STX8: variants seen among roughly 807,000 people sequenced by gnomAD.
The protein encoded by STX8 is syntaxin 8.
In STX8, 23 loss-of-function variants were observed where a neutral mutation model predicts 37.5. The observed-to-expected ratio is 0.61, with a 90% CI of 0.44 to 0.87. The LOEUF (loss-of-function observed/expected upper bound fraction) is 0.87. Among genes scored for constraint, STX8 ranks in the 40% least tolerant of loss-of-function variants. The pLI is 0.00. For synonymous variants in STX8, 115 were observed against 99.1 expected (o/e 1.16, Z -0.95); for missense variants, 313 against 284.7 (o/e 1.10, Z -0.71).
At chr17:9,472,880 G>T (rs1050182583) in intron 6 of STX8, among the ~76,000 whole-genome samples, 1 of 152,132 alleles carries the variant, frequency 6.6e-6, no homozygotes, top group South Asian at 2.1e-4. Context: ...GCGTGGCCAG[G>T]GTCAAGACCA....
At chr17:9,427,446 T>C (rs995386802) in intron 6 of STX8, among the ~76,000 whole-genome samples, 2 of 152,158 alleles carry the variant, frequency 1.3e-5, no homozygotes, top group African/African-American at 2.4e-5. Flanking sequence ...TAATGTGATA[T>C]ATACATTCCT....
At chr17:9,294,083 T>C (rs992922008) in intron 7 of STX8, among the ~76,000 whole-genome samples, 1 of 152,162 alleles carries the variant, frequency 6.6e-6, no homozygotes, top group African/African-American at 2.4e-5. Flanking sequence ...ATTTTCTCCA[T>C]CTTATAGATG....
intron 6 of STX8, among the ~76,000 whole-genome samples, chr17:9,464,487 G>A (rs1905525226): frequency 2.0e-5 from 3 of 152,274 alleles, no homozygotes; most frequent in Non-Finnish European, 4.4e-5. Flanking sequence ...AGCACAAGAA[G>A]GGAAGAAAAG....
Position 9,384,009 on chromosome 17 carries a change from T to C in STX8, c.542-5356A>G, listed in dbSNP as rs189755835. Among the ~76,000 whole-genome samples the C allele has an allele frequency of 1.0e-3, 152 of 152,298 alleles. 1 individual carries two copies. The highest frequency in any genetic ancestry group is 1.6e-3 in the Non-Finnish European group (111 of 68,014). On this transcript the variant is annotated intron_variant, in intron 6 of 7. Transcript: ENST00000306357. ...GCCTGACCCATATGGTAGTTCTATC[T>C]GTGGTTTTCTGAGGAACCCCCATGC...
Position 9,381,559 on chromosome 17 carries a change from C to T in STX8, c.542-2906G>A, listed in dbSNP as rs1006572887. Among the ~76,000 whole-genome samples the T allele has an allele frequency of 9.8e-5, 15 of 152,302 alleles. No homozygotes were observed. The South Asian group carries it at 2.7e-3, about 27-fold the overall frequency. ...TATAGACCGTATAGTTATATTCTAT[C>T]GATTTGTTTACATGTCTTTAACAGG... On this transcript the variant is annotated intron_variant, in intron 6 of 7. Transcript: ENST00000306357.
chr17:9,253,417 G>A (rs1430309296), intron 7 of STX8, among the ~76,000 whole-genome samples: 4 of 152,034 alleles, frequency 2.6e-5, no homozygotes, highest in Admixed American at 6.6e-5. Context: ...AGCTCCCCTG[G>A]GCAGGAGCTT....
At chr17:9,348,803 T>C (rs1046380950) in intron 7 of STX8, among the ~76,000 whole-genome samples, 2 of 152,196 alleles carry the variant, frequency 1.3e-5, no homozygotes, top group African/African-American at 4.8e-5. Flanking sequence ...GCAAGCTTAA[T>C]ATGTGGGTCA....
intron 4 of STX8, among the ~76,000 whole-genome samples, chr17:9,522,539 T>A (rs1367475425): frequency 2.5e-4 from 28 of 112,560 alleles, no homozygotes; most frequent in African/African-American, 5.4e-4. Context: ...CTACTAAAAA[T>A]CCAAAAAAAA....
At chr17:9,558,736 C>T (rs955438852) in intron 2 of STX8, among the ~76,000 whole-genome samples, 30 of 151,696 alleles carry the variant, frequency 2.0e-4, no homozygotes, top group Admixed American at 4.6e-4. Context: ...GGCAGGAGAA[C>T]GGCGTGAACC....
chr17:9,545,874 G>C (rs1037775045), intron 3 of STX8, among the ~76,000 whole-genome samples: 34 of 152,148 alleles, frequency 2.2e-4, no homozygotes, highest in African/African-American at 7.5e-4. Flanking sequence ...GAGTCACCAC[G>C]CCCAGCCCCA....
intron 2 of STX8, among the ~76,000 whole-genome samples, chr17:9,567,796 C>G (rs1171140055): frequency 6.6e-6 from 1 of 152,202 alleles, no homozygotes; most frequent in Admixed American, 6.5e-5. Context: ...AAGCAATTCT[C>G]CTGCCTCAGC....
chr17:9,561,024 A>G (rs1203522547), intron 2 of STX8, among the ~76,000 whole-genome samples: 1 of 152,182 alleles, frequency 6.6e-6, no homozygotes, highest in Non-Finnish European at 1.5e-5. Context: ...ACAAATGGGG[A>G]AAAAATAAAA....
At chr17:9,565,302 T>C (rs1188713694) in intron 2 of STX8, among the ~76,000 whole-genome samples, 1 of 151,676 alleles carries the variant, frequency 6.6e-6, no homozygotes, top group Non-Finnish European at 1.5e-5. Flanking sequence ...AAAACAGACA[T>C]AGACCAATGG....
At chr17:9,418,600 A>G (rs111232975) in intron 6 of STX8, among the ~76,000 whole-genome samples, 4,504 of 151,168 alleles carry the variant, frequency 0.03, 237 homozygotes, top group African/African-American at 0.1. Context: ...AGGCTGAGGC[A>G]GGCGGATCAT....
At chr17:9,412,267 T>C (rs1343889710) in intron 6 of STX8, among the ~76,000 whole-genome samples, 7 of 152,088 alleles carry the variant, frequency 4.6e-5, no homozygotes, top group Non-Finnish European at 8.8e-5. Flanking sequence ...GACTTGTAAC[T>C]AATCACAGCA....
intron 7 of STX8, among the ~76,000 whole-genome samples, chr17:9,317,686 A>C (rs551103025): frequency 4.6e-5 from 7 of 152,148 alleles, no homozygotes; most frequent in African/African-American, 1.4e-4. Flanking sequence ...GAATGTCGTG[A>C]ACCCGGGAGG....
chr17:9,288,966 A>G (rs1036782044), intron 7 of STX8, among the ~76,000 whole-genome samples: 11 of 152,300 alleles, frequency 7.2e-5, no homozygotes, highest in African/African-American at 2.6e-4. Context: ...TAACGGGGGT[A>G]AGCGGGGAAG....
At chr17:9,266,832 C>T (rs564466554) in intron 7 of STX8, among the ~76,000 whole-genome samples, 26 of 152,124 alleles carry the variant, frequency 1.7e-4, no homozygotes, top group Non-Finnish European at 3.2e-4. Flanking sequence ...GATGAGAGAG[C>T]GGCCAGACGT....
At chr17:9,353,228 T>C (rs1910768463) in intron 7 of STX8, among the ~76,000 whole-genome samples, 1 of 152,198 alleles carries the variant, frequency 6.6e-6, no homozygotes, top group African/African-American at 2.4e-5. Context: ...TCAGCTCCTG[T>C]GTTCTTTTAC....
Sources: allele counts gnomAD v4.1 joint callset (sites outside exome capture counted in the v4.1 genomes callset), GRCh38; gene constraint gnomAD v4.1.1; transcripts MANE v1.5; gene names NCBI Gene and HGNC (gene_info 2026-07-23, HGNC 2026-07-21).